LYPD6B: variants seen among roughly 807,000 people sequenced by gnomAD.
The protein encoded by LYPD6B is ly6/PLAUR domain-containing protein 6B.
A neutral mutation model predicts 22.8 loss-of-function variants in LYPD6B; 17 were observed. That is an observed-to-expected ratio of 0.75 (90% CI 0.51 to 1.12). The LOEUF is 1.12. Among genes scored for constraint, LYPD6B ranks in the 50% most tolerant of loss-of-function variants. LYPD6B has a pLI of 0.00. For synonymous variants in LYPD6B, 106 were observed against 91.6 expected, an observed-to-expected ratio of 1.16 and a Z score of -0.90; for missense variants, 221 against 258.3, an observed-to-expected ratio of 0.86 and a Z score of 0.99.
chr2:149,213,249 C>T (rs1268223175), intron 6 of LYPD6B, 127 bp downstream of exon 6: 1 of 1,276,330 alleles, frequency 7.8e-7, no homozygotes, highest in Non-Finnish European at 1.1e-6. Context: ...AGACTCCATA[C>T]AAAGATAAAA....
At chr2:149,112,564 C>T (rs895693044) in intron 1 of LYPD6B, among the ~76,000 whole-genome samples, 6 of 152,068 alleles carry the variant, frequency 3.9e-5, no homozygotes, top group Non-Finnish European at 8.8e-5. Context: ...ATCTGGCTCG[C>T]ATATACATCC....
At chr2:149,098,058 T>C (rs1314065848) in intron 1 of LYPD6B, among the ~76,000 whole-genome samples, 1 of 152,170 alleles carries the variant, frequency 6.6e-6, no homozygotes, top group East Asian at 1.9e-4. Context: ...GAATAATTAC[T>C]TACTTGTTAT....
At chr2:149,106,853 C>A (rs887456249) in intron 1 of LYPD6B, among the ~76,000 whole-genome samples, 1 of 151,574 alleles carries the variant, frequency 6.6e-6, no homozygotes, top group Non-Finnish European at 1.5e-5. Flanking sequence ...CTTTTTTTTA[C>A]TCTCTTAAAG....
At chr2:149,104,977 T>C (rs1459200539) in intron 1 of LYPD6B, among the ~76,000 whole-genome samples, 2 of 152,216 alleles carry the variant, frequency 1.3e-5, no homozygotes, top group African/African-American at 4.8e-5. Flanking sequence ...TCAATGCATG[T>C]ATATATAGTG....
chr2:149,043,788 T>A (rs1289418474), intron 1 of LYPD6B, among the ~76,000 whole-genome samples: 2 of 152,150 alleles, frequency 1.3e-5, no homozygotes, highest in African/African-American at 4.8e-5. Context: ...TGATCCATTT[T>A]ACTTTAATTT....
rs1684579794 is a variant in LYPD6B at position 149,071,037 on chromosome 2, A to G, written c.-67+32236A>G. On this transcript the variant is annotated intron_variant, in intron 1 of 6. Coordinates refer to ENST00000409642, the MANE Select transcript of LYPD6B (RefSeq NM_177964.5). ...ATCATTTAGTTCCACACCCGGCATT[A>G]GTAGGACTGATAGGTGAGGGGCTAG... is the stretch of plus-strand genomic sequence containing the variant. Among the ~76,000 whole-genome samples, 3 of 152,210 alleles carry G rather than the reference A, an allele frequency of 2.0e-5. 1 individual carries two copies. Among genetic ancestry groups the G allele is most frequent in the East Asian group, 3.9e-4 (2 of 5,194 alleles).
intron 3 of LYPD6B, among the ~76,000 whole-genome samples, chr2:149,176,199 A>G (rs1691292876): frequency 6.6e-6 from 1 of 152,208 alleles, no homozygotes. Context: ...GGAATTTTTC[A>G]GCTCCATTCT....
chr2:149,080,159 G>A (rs1209059514), intron 1 of LYPD6B, among the ~76,000 whole-genome samples: 1 of 152,140 alleles, frequency 6.6e-6, no homozygotes, highest in South Asian at 2.1e-4. Context: ...GGCTGGGCTC[G>A]CTTGAAGGCA....
At position 149,042,860 on chromosome 2, in the gene LYPD6B, C is replaced by T. The variant is rs1683148046; in HGVS notation, c.-67+4059C>T. Among the ~76,000 whole-genome samples the T allele has an allele frequency of 1.3e-5, 2 of 152,136 alleles. 1 individual carries two copies. Among genetic ancestry groups the T allele is most frequent in the Admixed American group, 1.3e-4 (2 of 15,274 alleles). ...CAGGTAGGGTTTTGGGCAAAAAGGA[C>T]AGGTGTTCATGTGGAAAAAGACAGT... is the stretch of plus-strand genomic sequence containing the variant. On this transcript the variant is annotated intron_variant, in intron 1 of 6. Coordinates refer to ENST00000409642, the MANE Select transcript of LYPD6B (RefSeq NM_177964.5).
rs113972791 is a variant in LYPD6B, at chr2:149,125,464, A to G, written c.-66-5419A>G. Among the ~76,000 whole-genome samples, 708 of 152,306 alleles carry G rather than the reference A, an allele frequency of 4.6e-3. 4 individuals are homozygous for G. The highest frequency in any genetic ancestry group is 0.016 in the African/African-American group (650 of 41,568). On this transcript the variant is annotated intron_variant, in intron 1 of 6. Coordinates refer to ENST00000409642, the MANE Select transcript of LYPD6B (RefSeq NM_177964.5). ...ATTCTCTGGAGAATTTAATTCTGTCAGGAAACAAGTCAACCTCTCCCCCAT... is the reference window on the plus strand; with the variant it reads ...ATTCTCTGGAGAATTTAATTCTGTCGGGAAACAAGTCAACCTCTCCCCCAT...
chr2:149,074,775 C>T (rs1684803241), intron 1 of LYPD6B, among the ~76,000 whole-genome samples: 3 of 151,992 alleles, frequency 2.0e-5, no homozygotes, highest in Admixed American at 2.0e-4. Flanking sequence ...TATTGAGCTT[C>T]CAGAATATCC....
chr2:149,114,459 G>T (rs1235552632), intron 1 of LYPD6B, among the ~76,000 whole-genome samples: 1 of 152,142 alleles, frequency 6.6e-6, no homozygotes, highest in Non-Finnish European at 1.5e-5. Flanking sequence ...GAAGGAAATT[G>T]TACCTTAAGG....
At chr2:149,128,140 TC>T (rs1221975309) in intron 1 of LYPD6B, among the ~76,000 whole-genome samples, 1 of 152,198 alleles carries the variant, frequency 6.6e-6, no homozygotes, top group African/African-American at 2.4e-5. Context: ...TTTTGTTTTT[TC>T]TTCTTGGAAA....
chr2:149,054,312 C>T (rs1191709428), intron 1 of LYPD6B, among the ~76,000 whole-genome samples: 1 of 152,020 alleles, frequency 6.6e-6, no homozygotes, highest in Non-Finnish European at 1.5e-5. Flanking sequence ...AGTAATATTT[C>T]TTTGTGGTTT....
chr2:149,046,716 T>A (rs1281346162), intron 1 of LYPD6B, among the ~76,000 whole-genome samples: 1 of 152,166 alleles, frequency 6.6e-6, no homozygotes, highest in African/African-American at 2.4e-5. Context: ...TATCTTTAAT[T>A]AATTAGAGTC....
intron 4 of LYPD6B, among the ~76,000 whole-genome samples, chr2:149,208,037 T>C (rs1452682124): frequency 6.6e-6 from 1 of 152,128 alleles, no homozygotes; most frequent in Non-Finnish European, 1.5e-5. Context: ...TTATAAATGA[T>C]AATAGAACAA....
chr2:149,097,791 CA>C (rs1685975124), intron 1 of LYPD6B, among the ~76,000 whole-genome samples: 1 of 152,160 alleles, frequency 6.6e-6, no homozygotes, highest in East Asian at 1.9e-4. Flanking sequence ...ATTGCTTTAG[CA>C]GCTTTGGGAA....
At chr2:149,045,506 A>G (rs1246024175) in intron 1 of LYPD6B, among the ~76,000 whole-genome samples, 1 of 151,854 alleles carries the variant, frequency 6.6e-6, no homozygotes, top group Non-Finnish European at 1.5e-5. Context: ...TATATTACTG[A>G]TTTTTGTTTT....
intron 1 of LYPD6B, among the ~76,000 whole-genome samples, chr2:149,089,519 T>TA (rs1685549796): frequency 6.6e-6 from 1 of 152,214 alleles, no homozygotes; most frequent in Admixed American, 6.5e-5. Context: ...GACAAAAGAA[T>TA]CTGTAAAATA....
Sources: allele counts gnomAD v4.1 joint callset (sites outside exome capture counted in the v4.1 genomes callset), GRCh38; gene constraint gnomAD v4.1.1; transcripts MANE v1.5; gene names NCBI Gene and HGNC (gene_info 2026-07-23, HGNC 2026-07-21).